The following CNTN4 variants were observed in gnomAD, a reference collection of about 807,000 sequenced individuals.
The protein encoded by CNTN4 is contactin 4.
Under a neutral mutation model 122.5 loss-of-function variants are expected in CNTN4, and 77 were observed. The observed-to-expected ratio is 0.63, with a 90% CI of 0.52 to 0.76. The LOEUF (loss-of-function observed/expected upper bound fraction) is 0.76. Among genes scored for constraint, CNTN4 ranks in the 30% least tolerant of loss-of-function variants. The probability of loss-of-function intolerance (pLI) is 0.00; values close to 1 mark genes in which losing one functional copy is unlikely to be tolerated. For synonymous variants in CNTN4, 512 were observed against 447.0 expected (o/e 1.15, Z -1.83); for missense variants, 1,256 against 1,259.1 (o/e 1.00, Z 0.04).
chr3:2,730,769 A>G (rs916270970), intron 4 of CNTN4, among the ~76,000 whole-genome samples: 12 of 152,020 alleles, frequency 7.9e-5, no homozygotes, highest in Non-Finnish European at 1.6e-4. Flanking sequence ...ATCACCTGAG[A>G]TTCAGGCTTA....
intron 2 of CNTN4, among the ~76,000 whole-genome samples, chr3:2,174,629 A>T (rs2036670078): frequency 6.6e-6 from 1 of 152,212 alleles, no homozygotes; most frequent in South Asian, 2.1e-4. Context: ...CTGATAGGCC[A>T]GTCTTGTGTT....
At chr3:2,552,455 C>G (rs150249843) in intron 3 of CNTN4, among the ~76,000 whole-genome samples, 2 of 152,234 alleles carry the variant, frequency 1.3e-5, no homozygotes, top group South Asian at 2.1e-4. Context: ...GAGTACAAGA[C>G]AAATGCTCAT....
Position 3,043,578 on chromosome 3 carries a change from T to C in CNTN4, c.2699-14T>C. On this transcript the variant is annotated splice_polypyrimidine_tract_variant and intron_variant, in intron 22 of 24. Coordinates refer to ENST00000418658, the MANE Select transcript of CNTN4 (RefSeq NM_175607.3). ...TAATAATCTGTGACTTCGTATATCTTAATTTTTTTATAGCACCAAGTCAAC... is the reference window on the plus strand; with the variant it reads ...TAATAATCTGTGACTTCGTATATCTCAATTTTTTTATAGCACCAAGTCAAC... 1 of 1,576,884 alleles carries C rather than the reference T, an allele frequency of 6.3e-7. No individual in the cohort carries two copies. Among genetic ancestry groups the C allele is most frequent in the Admixed American group, 1.7e-5 (1 of 59,968 alleles).
At chr3:2,353,074 C>A (rs1051958195) in intron 3 of CNTN4, among the ~76,000 whole-genome samples, 2 of 151,870 alleles carry the variant, frequency 1.3e-5, no homozygotes, top group African/African-American at 2.4e-5. Flanking sequence ...TCTAGCTAAT[C>A]TATGGGGACT....
chr3:2,546,609 G>A (rs35787589), intron 3 of CNTN4, among the ~76,000 whole-genome samples: 30,860 of 151,966 alleles, frequency 0.2, 3,395 homozygotes, highest in Non-Finnish European at 0.23. Flanking sequence ...GTTTACCTAT[G>A]TAACATGTTT....
intron 4 of CNTN4, among the ~76,000 whole-genome samples, chr3:2,641,219 C>T (rs116060555): frequency 7.8e-4 from 118 of 151,908 alleles, no homozygotes; most frequent in African/African-American, 2.7e-3. Context: ...TTGCAAATTG[C>T]TCCATTAATT....
chr3:2,623,386 T>C (rs2082065767), intron 4 of CNTN4, among the ~76,000 whole-genome samples: 1 of 152,152 alleles, frequency 6.6e-6, no homozygotes, highest in African/African-American at 2.4e-5. Flanking sequence ...CGCACAGATA[T>C]TCTGGTGGTA....
intron 10 of CNTN4, among the ~76,000 whole-genome samples, chr3:2,890,622 A>G (rs536833807): frequency 6.6e-6 from 1 of 152,258 alleles, no homozygotes; most frequent in African/African-American, 2.4e-5. Context: ...TTTTGCATTA[A>G]AACCATTTTG....
intron 4 of CNTN4, among the ~76,000 whole-genome samples, chr3:2,574,976 G>A (rs1382676356): frequency 1.3e-5 from 2 of 152,012 alleles, no homozygotes; most frequent in African/African-American, 4.8e-5. Flanking sequence ...GCTAGATGCA[G>A]TTCCTAGTCC....
intron 3 of CNTN4, among the ~76,000 whole-genome samples, chr3:2,509,610 C>G (rs1247298971): frequency 6.6e-6 from 1 of 152,154 alleles, no homozygotes; most frequent in Non-Finnish European, 1.5e-5. Context: ...TAGTGGACAT[C>G]TTTTACCCAA....
At chr3:2,916,114 G>A (rs1184545165) in intron 12 of CNTN4, among the ~76,000 whole-genome samples, 1 of 152,214 alleles carries the variant, frequency 6.6e-6, no homozygotes, top group Non-Finnish European at 1.5e-5. Flanking sequence ...ACAAAAGTGT[G>A]CATATAGTTA....
chr3:2,958,797 G>A (rs934984981), intron 13 of CNTN4, among the ~76,000 whole-genome samples: 3 of 152,146 alleles, frequency 2.0e-5, no homozygotes, highest in African/African-American at 7.2e-5. Context: ...TTGGAGAGGG[G>A]TATTCTGGGT....
chr3:2,368,889 C>A (rs77035427), intron 3 of CNTN4, among the ~76,000 whole-genome samples: 14,375 of 152,132 alleles, frequency 0.094, 1,031 homozygotes, highest in African/African-American at 0.2. Context: ...GTGTTGAGCT[C>A]ATCCTAAGAC....
At chr3:2,401,579 C>G (rs2046861162) in intron 3 of CNTN4, among the ~76,000 whole-genome samples, 1 of 151,902 alleles carries the variant, frequency 6.6e-6, no homozygotes, top group African/African-American at 2.4e-5. Context: ...TTTGGCTTTT[C>G]TAGTTTTCTC....
intron 3 of CNTN4, among the ~76,000 whole-genome samples, chr3:2,562,659 A>G (rs932196176): frequency 2.0e-5 from 3 of 151,904 alleles, no homozygotes; most frequent in African/African-American, 7.3e-5. Flanking sequence ...TATGACCATG[A>G]ATAGTGCTGT....
rs928533751 is a variant in CNTN4, at chr3:2,841,937, T to C, written c.454+22356T>C. Reference sequence around the variant, plus strand: ...AAGGATTAATTAGGTCACATTGAAATATATGATTTTAAAACAGATTGAAAC... The same window carrying C: ...AAGGATTAATTAGGTCACATTGAAACATATGATTTTAAAACAGATTGAAAC... On this transcript the variant is annotated intron_variant, in intron 7 of 24. Transcript: ENST00000418658. This position sits in a 1 kb window ranked among gnomAD's most constrained non-coding sequence, Gnocchi z 4.8. Among the ~76,000 whole-genome samples the C allele has an allele frequency of 6.6e-6, 1 of 152,060 alleles. No individual in the cohort carries two copies. The highest frequency in any genetic ancestry group is 2.4e-5 in the African/African-American group (1 of 41,364).
At chr3:2,834,171 T>G (rs1035636501) in intron 7 of CNTN4, among the ~76,000 whole-genome samples, 3 of 151,150 alleles carry the variant, frequency 2.0e-5, no homozygotes, top group Admixed American at 2.0e-4. Flanking sequence ...AAATAATAAT[T>G]AAAAACATAT....
At chr3:2,242,389 G>T (rs904688983) in intron 2 of CNTN4, among the ~76,000 whole-genome samples, 1 of 152,028 alleles carries the variant, frequency 6.6e-6, no homozygotes, top group Non-Finnish European at 1.5e-5. Flanking sequence ...AAGATAGAAA[G>T]GATTCATTAG....
chr3:2,739,409 C>G (rs932402919), intron 5 of CNTN4, among the ~76,000 whole-genome samples: 1 of 151,796 alleles, frequency 6.6e-6, no homozygotes, highest in Non-Finnish European at 1.5e-5. Flanking sequence ...ATACACATAA[C>G]CTGGTATGTT....
Sources: allele counts gnomAD v4.1 joint callset (sites outside exome capture counted in the v4.1 genomes callset), GRCh38; gene constraint gnomAD v4.1.1; non-coding constraint Gnocchi (gnomAD v3.1); transcripts MANE v1.5; gene names NCBI Gene and HGNC (gene_info 2026-07-23, HGNC 2026-07-21).